Variants in ANK3 observed in about 807,000 individuals in gnomAD.
ANK3 encodes the protein ankyrin-3.
A neutral mutation model predicts 370.9 loss-of-function variants in ANK3; 57 were observed. That is an observed-to-expected ratio of 0.15 (90% CI 0.12 to 0.19). ANK3 has a LOEUF of 0.19. Among genes scored for constraint, ANK3 ranks in the 10% least tolerant of loss-of-function variants. The pLI is 1.00. For missense variants in ANK3, 4,439 were observed against 5,302.1 expected (o/e 0.84, Z 5.06); for synonymous variants, 1,929 against 1,946.3 (o/e 0.99, Z 0.23).
intron 1 of ANK3, among the ~76,000 whole-genome samples, chr10:60,325,485 A>G (rs1324148993): frequency 1.3e-5 from 2 of 152,128 alleles, no homozygotes; most frequent in African/African-American, 4.8e-5. Context: ...AGCTGCAATG[A>G]CCATAAAATT....
intron 8 of ANK3, among the ~76,000 whole-genome samples, chr10:60,224,228 G>A (rs1016482413): frequency 6.6e-6 from 1 of 152,034 alleles, no homozygotes; most frequent in Non-Finnish European, 1.5e-5. Flanking sequence ...AATTGCATGG[G>A]GTTAGTAATA....
At chr10:60,434,802 ACACTTTAGAATTTTTCAG>A (rs2064117289) in intron 2 of ANK3, among the ~76,000 whole-genome samples, 1 of 152,228 alleles carries the variant, frequency 6.6e-6, no homozygotes, top group Admixed American at 6.5e-5. Flanking sequence ...CAATAACTTT[ACACTTTAGAATTTTTCAG>A]AGCATTCTCC....
intron 1 of ANK3, among the ~76,000 whole-genome samples, chr10:60,729,228 C>T (rs1345154747): frequency 6.6e-6 from 1 of 152,148 alleles, no homozygotes; most frequent in African/African-American, 2.4e-5. Context: ...AGCAACACTG[C>T]AGTCACATAG....
Position 60,069,398 on chromosome 10 carries a change from G to A in ANK3, c.11483C>T (p.Ser3828Leu). ...TEKDNPVKVS[S>L]GKKTGVLQGH... ...TTGTAGTACCCCTGTCTTTTTTCCT[G>A]ATGAGACTTTCACTGGGTTATCTTT... Residue 3828 changes from serine (S) to leucine (L), a missense_variant, in exon 37 of 44, where the codon TCA (serine) becomes TTA (leucine). Coordinates refer to ENST00000280772, the MANE Select transcript of ANK3 (RefSeq NM_020987.5). The A allele has an allele frequency of 1.2e-6, 2 of 1,613,446 alleles. No homozygotes were observed. The highest frequency in any genetic ancestry group is 1.7e-6 in the Non-Finnish European group (2 of 1,179,860).
Position 60,168,833 on chromosome 10 carries a change from C to T in ANK3, c.2479-1937G>A, listed in dbSNP as rs187176814. 3.0e-3 allele frequency among the ~76,000 whole-genome samples: 457 copies of T among 152,270 alleles called. 1 individual carries two copies. Among genetic ancestry groups the T allele is most frequent in the African/African-American group, 0.011 (441 of 41,544 alleles). On this transcript the variant is annotated intron_variant, in intron 21 of 43. Transcript: ENST00000280772. ...TCCTCCGTTAGTTTGCTGAGGATAACAGCTTCCAGCTCCATCCATGTCCCT... is the reference window on the plus strand; with the variant it reads ...TCCTCCGTTAGTTTGCTGAGGATAATAGCTTCCAGCTCCATCCATGTCCCT...
rs190303068 is a variant in ANK3 at position 60,389,180 on chromosome 10, T to A, written c.114+245A>T. ...TGTCATGGAAACATGCCCATGCCTA[T>A]ATAAAGTGAAGCACACTTTCCGCAT... On this transcript the variant is annotated intron_variant, in intron 1 of 43. Transcript: ENST00000280772. Among the ~76,000 whole-genome samples, 71 of 152,224 alleles carry A rather than the reference T, an allele frequency of 4.7e-4. No homozygotes were observed. In the East Asian group the frequency reaches 0.013, roughly 29 times the overall value.
At chr10:60,663,327 G>A (rs1279794807) in intron 1 of ANK3, among the ~76,000 whole-genome samples, 1 of 152,192 alleles carries the variant, frequency 6.6e-6, no homozygotes, top group Admixed American at 6.5e-5. Flanking sequence ...CCTTGTTGAA[G>A]CTACTGGCTA....
chr10:60,601,034 G>A (rs186352855), intron 2 of ANK3, among the ~76,000 whole-genome samples: 4 of 152,114 alleles, frequency 2.6e-5, no homozygotes, highest in African/African-American at 4.8e-5. Context: ...TGAAGGGAGA[G>A]GTTAGATTTT....
At chr10:60,085,931 G>A (rs1285649867) in intron 30 of ANK3, among the ~76,000 whole-genome samples, 3 of 151,896 alleles carry the variant, frequency 2.0e-5, no homozygotes, top group African/African-American at 7.3e-5. Flanking sequence ...TCTTTAAAAA[G>A]GTAAGAACTA....
chr10:60,732,037 T>C (rs2080029590), intron 1 of ANK3, among the ~76,000 whole-genome samples: 1 of 152,214 alleles, frequency 6.6e-6, no homozygotes. Context: ...AAACATGGCA[T>C]GGGCAAGATT....
intron 1 of ANK3, among the ~76,000 whole-genome samples, chr10:60,367,419 A>G (rs887335446): frequency 1.3e-5 from 2 of 152,244 alleles, no homozygotes; most frequent in African/African-American, 2.4e-5. Flanking sequence ...TATGCCTAAA[A>G]TGTCAAGCAA....
intron 1 of ANK3, among the ~76,000 whole-genome samples, chr10:60,378,505 C>A (rs2061107223): frequency 6.6e-6 from 1 of 152,136 alleles, no homozygotes; most frequent in Non-Finnish European, 1.5e-5. Context: ...GACACATAGA[C>A]CAATGAAGCA....
chr10:60,087,273 C>T (rs2086962615), intron 29 of ANK3, among the ~76,000 whole-genome samples: 1 of 152,206 alleles, frequency 6.6e-6, no homozygotes, highest in Non-Finnish European at 1.5e-5. Flanking sequence ...CTCATACCCA[C>T]ATAAAAACCG....
intron 2 of ANK3, among the ~76,000 whole-genome samples, chr10:60,495,962 G>A (rs879620759): frequency 1.3e-5 from 2 of 150,924 alleles, no homozygotes; most frequent in Admixed American, 6.6e-5. Flanking sequence ...GATTACTGGT[G>A]TGTGCATTTT....
chr10:60,710,765 C>A (rs1039233109), intron 1 of ANK3, among the ~76,000 whole-genome samples: 4 of 152,016 alleles, frequency 2.6e-5, no homozygotes, highest in African/African-American at 4.8e-5. Flanking sequence ...AGCTGGAGAC[C>A]CAGAAAAAAT....
rs137923546 is a variant in ANK3, at chr10:60,439,687, G to A, written c.97-160048C>T. On this transcript the variant is annotated intron_variant, in intron 2 of 43. Coordinates refer to the ANK3 transcript ENST00000373827. ...ACACTAGATGGAGGTGGTTCTCCAG[G>A]ATGAAACAGTTCTAGAGCTGATTCT... is the stretch of plus-strand genomic sequence containing the variant. Among the ~76,000 whole-genome samples, 210 of 152,228 alleles carry A rather than the reference G, an allele frequency of 1.4e-3. 1 individual carries two copies. Among genetic ancestry groups the A allele is most frequent in the Non-Finnish European group, 2.1e-3 (142 of 68,014 alleles).
In ANK3 at chr10:60,073,538, T is replaced by C; in HGVS notation, c.7343A>G (p.Tyr2448Cys). The C allele has an allele frequency of 6.2e-7, 1 of 1,614,116 alleles. No homozygotes were observed. Among genetic ancestry groups the C allele is most frequent in the South Asian group, 1.1e-5 (1 of 91,090 alleles). Residue 2448 changes from tyrosine to cysteine, a missense_variant, in exon 37 of 44, where the codon TAC becomes TGC. Physicochemically the swap from Tyr to Cys is radical, Grantham distance 194 (BLOSUM62 -2). This residue lies in a region of ANK3 where 1,601 missense variants were observed against 1,731.7 expected (regional missense o/e 0.92). Coordinates refer to ENST00000280772, the MANE Select transcript of ANK3 (RefSeq NM_020987.5). The stretch of plus-strand genomic sequence containing the variant: ...TAGTTCTGACAACTCATCGTCATGG[T>C]ATTCTATTGAGTGTTGACTCAAAAG... ...LKLLSQHSIE[Y>C]HDDELSELRG... is the part of the protein sequence containing the mutation.
Position 60,076,234 on chromosome 10 carries a change from G to C in ANK3, c.4647C>G (p.Ile1549Met), listed in dbSNP as rs765816727. ...SIWSVSTPSP[I>M]KSTLGASTTS... ...TAGTTGACGCGCCTAATGTGGATTT[G>C]ATTGGAGAAGGTGTCGAAACAGACC... Residue 1549 changes from isoleucine to methionine, a missense_variant, in exon 37 of 44, where the codon ATC becomes ATG. By Grantham distance (10) the Ile-to-Met change is conservative. Coordinates refer to ENST00000280772, the MANE Select transcript of ANK3 (RefSeq NM_020987.5). 6 of 1,614,172 alleles carry C rather than the reference G, an allele frequency of 3.7e-6. No homozygotes were observed. The Admixed American group carries it at 1.0e-4, about 27-fold the overall frequency.
intron 2 of ANK3, among the ~76,000 whole-genome samples, chr10:60,424,708 A>G (rs2063844223): frequency 6.6e-6 from 1 of 152,088 alleles, no homozygotes; most frequent in African/African-American, 2.4e-5. Context: ...TGGGAAAGAT[A>G]GTGAGTTGCT....
Sources: allele counts gnomAD v4.1 joint callset (sites outside exome capture counted in the v4.1 genomes callset), GRCh38; gene constraint gnomAD v4.1.1; regional missense constraint gnomAD v4.1.1; transcripts MANE v1.5; gene names NCBI Gene and HGNC (gene_info 2026-07-23, HGNC 2026-07-21).